Variants in PLCH2 observed in about 807,000 individuals in gnomAD.
PLCH2 encodes the protein phospholipase C eta 2.
A neutral mutation model predicts 134.7 loss-of-function variants in PLCH2; 98 were observed. That is an observed-to-expected ratio of 0.73 (90% CI 0.62 to 0.86). The LOEUF is 0.86. PLCH2 is among the 40% of genes least tolerant of loss of function. The pLI, the probability that PLCH2 is intolerant of heterozygous loss-of-function variation, is 0.00. For missense variants in PLCH2, 1,994 were observed against 1,986.6 expected (o/e 1.00, Z -0.07); for synonymous variants, 974 against 827.5 (o/e 1.18, Z -3.04).
chr1:2,505,367 C>T lies in PLCH2; in HGVS notation c.*154C>T, dbSNP rs1027437539. The T allele has an allele frequency of 2.1e-5, 13 of 618,626 alleles. No homozygotes were observed. Among genetic ancestry groups the T allele is most frequent in the Non-Finnish European group, 3.0e-5 (11 of 363,944 alleles). 38.3% of individuals were successfully genotyped at this position (618,626 alleles called of 1,614,324 possible). On this transcript the variant is annotated 3_prime_UTR_variant, in exon 22 of 22. Transcript: ENST00000378486. ...CCTGCCTCCCTCCTGCCCCTGCTCC[C>T]GGGGAGGAAAGGCTAAAGCTGCTGG...
chr1:2,475,626 G>A (rs1272293294), upstream of PLCH2, among the ~76,000 whole-genome samples: 1 of 152,234 alleles, frequency 6.6e-6, no homozygotes, highest in Admixed American at 6.5e-5. Context: ...CCCCTGTCCA[G>A]GTCAGATGGC....
At chr1:2,432,192 G>A (rs1476139712) in intron 2 of PLCH2, among the ~76,000 whole-genome samples, 1 of 152,238 alleles carries the variant, frequency 6.6e-6, no homozygotes, top group Non-Finnish European at 1.5e-5. Flanking sequence ...ACAATGCTGG[G>A]GCTGGCACCT....
chr1:2,505,068 A>AGGGACCCCCAGAAGAGGAGCGG lies in PLCH2; in HGVS notation c.4109_4130dup (p.Glu1380ArgfsTer37). On this transcript the variant is annotated frameshift_variant, in exon 22 of 22. Coordinates refer to ENST00000378486, the MANE Select transcript of PLCH2 (RefSeq NM_014638.4). LOFTEE classifies it high-confidence loss of function. ...CAGAGACTGCAGGGCCTGGGCCGGC[A>AGGGACCCCCAGAAGAGGAGCGG]GGGACCCCCAGAAGAGGAGCGGGGC... is the stretch of plus-strand genomic sequence containing the variant. 1 of 1,538,098 alleles carries AGGGACCCCCAGAAGAGGAGCGG rather than the reference A, an allele frequency of 6.5e-7. No individual in the cohort carries two copies. The highest frequency in any genetic ancestry group is 8.7e-7 in the Non-Finnish European group (1 of 1,149,436).
chr1:2,465,130 C>T (rs976862627), upstream of PLCH2, among the ~76,000 whole-genome samples: 1 of 152,150 alleles, frequency 6.6e-6, no homozygotes, highest in Non-Finnish European at 1.5e-5. Context: ...TAGCTGAGAA[C>T]CTAGGGCTGT....
chr1:2,487,312 C>T lies in PLCH2; in HGVS notation c.1050C>T (p.Leu350=). The T allele has an allele frequency of 1.2e-6, 2 of 1,613,926 alleles. No individual in the cohort carries two copies. Among genetic ancestry groups the T allele is most frequent in the Middle Eastern group, 1.6e-4 (1 of 6,062 alleles). The change falls in exon 7 of 22, where the codon CTC becomes CTT. Residue 350 remains leucine (L), a synonymous_variant. Transcript: ENST00000378486. ...SHNTYLVGDQ[L]MSQSRVDMYA... ...ACACCTACCTCGTGGGTGACCAGCT[C>T]ATGTCCCAGTCACGGGTGGACATGT...
At chr1:2,471,278 G>A (rs1641312111) in intron 1 of PLCH2, among the ~76,000 whole-genome samples, 1 of 152,220 alleles carries the variant, frequency 6.6e-6, no homozygotes, top group South Asian at 2.1e-4. Context: ...AAGGCCAGAT[G>A]TTGGGGCCCC....
Position 2,503,952 on chromosome 1 carries a change from T to C in PLCH2, c.2990T>C (p.Leu997Pro), listed in dbSNP as rs756414553. ...CGCCCCCTCTCCACGCAGCGGCCAC[T>C]CCCCCCACTGTGCAGCCTGGAAACC... Reference protein sequence around the residue: ...DTRPLSTQRPLPPLCSLETIA... With the variant: ...DTRPLSTQRPPPPLCSLETIA... The change falls in exon 22 of 22, where the codon CTC (leucine) becomes CCC (proline). Residue 997 changes from leucine (L) to proline (P), a missense_variant. Around this residue, in one of 2 missense-constraint regions of PLCH2, gnomAD observed 900 missense variants for 752.3 expected, o/e 1.20. Transcript: ENST00000378486. 11 of 814,694 alleles carry C rather than the reference T, an allele frequency of 1.4e-5. No individual in the cohort carries two copies. The East Asian group carries it at 2.8e-4, about 21-fold the overall frequency. The allele number at this position is 814,694 out of a possible 1,614,324, so 50.5% of individuals were successfully genotyped here.
chr1:2,479,204 A>G (rs1226046522), intron 2 of PLCH2: 1 of 165,526 alleles, frequency 6.0e-6, no homozygotes, highest in Non-Finnish European at 1.3e-5. Flanking sequence ...GGACCCAGGC[A>G]TGCCAGGCAA....
intron 2 of PLCH2, among the ~76,000 whole-genome samples, chr1:2,433,637 C>T (rs535168177): frequency 5.9e-5 from 9 of 152,338 alleles, no homozygotes; most frequent in South Asian, 4.1e-4. Flanking sequence ...GACTCTACAC[C>T]GGCTCTTATG....
At chr1:2,438,639 G>A (rs984065063) in intron 2 of PLCH2, among the ~76,000 whole-genome samples, 7 of 152,148 alleles carry the variant, frequency 4.6e-5, no homozygotes, top group Non-Finnish European at 8.8e-5. Flanking sequence ...GAGCACCCCC[G>A]GCCACTGCGG....
intron 16 of PLCH2, chr1:2,497,823 G>A (rs1642980553): frequency 1.9e-6 from 1 of 517,260 alleles, no homozygotes; most frequent in Admixed American, 3.2e-5. Flanking sequence ...GAAGGGCCCA[G>A]CTCCGTCAGG....
chr1:2,452,036 T>C (rs1640259108), intron 2 of PLCH2, among the ~76,000 whole-genome samples: 1 of 152,174 alleles, frequency 6.6e-6, no homozygotes, highest in African/African-American at 2.4e-5. Context: ...GAGACTTCCG[T>C]CTGGGCCCCG....
At position 2,484,573 on chromosome 1, in the gene PLCH2, C is replaced by T; in HGVS notation, c.771C>T (p.His257=). The change falls in exon 5 of 22, where the codon CAC becomes CAT. Residue 257 remains histidine (H), a synonymous_variant. Coordinates refer to ENST00000378486, the MANE Select transcript of PLCH2 (RefSeq NM_014638.4). ...LMLTYSNHKD[H]LDAASLQRFL... is the part of the protein sequence containing the mutation. Reference sequence around the variant, plus strand: ...TGACCTACAGCAACCACAAGGACCACCTGGATGCCGCCAGCCTGCAGCGCT... The same window carrying T: ...TGACCTACAGCAACCACAAGGACCATCTGGATGCCGCCAGCCTGCAGCGCT... 6.2e-7 allele frequency: 1 copy of T among 1,613,016 alleles called. No individual in the cohort carries two copies. The highest frequency in any genetic ancestry group is 8.5e-7 in the Non-Finnish European group (1 of 1,179,812).
intron 13 of PLCH2, among the ~76,000 whole-genome samples, chr1:2,496,231 G>T (rs1272921676): frequency 1.3e-5 from 2 of 152,142 alleles, no homozygotes; most frequent in African/African-American, 4.8e-5. Flanking sequence ...CCACCCGGCC[G>T]ACACGGAGGC....
intron 2 of PLCH2, among the ~76,000 whole-genome samples, chr1:2,440,157 C>G (rs1389308770): frequency 6.6e-6 from 1 of 152,122 alleles, no homozygotes; most frequent in Admixed American, 6.5e-5. Flanking sequence ...GCCTGTGGTC[C>G]AGCTGCAGGG....
chr1:2,496,546 G>A (rs906964000), intron 13 of PLCH2, 61 bp from the exon 14 acceptor site: 26 of 1,391,402 alleles, frequency 1.9e-5, no homozygotes, highest in South Asian at 1.6e-4. Context: ...CCCGTCTCAC[G>A]GAGCTGGGTG....
intron 2 of PLCH2, among the ~76,000 whole-genome samples, chr1:2,435,194 G>A (rs1291607051): frequency 6.6e-6 from 1 of 152,194 alleles, no homozygotes. Context: ...GTGGAAGATG[G>A]TCCCGGGGGT....
At chr1:2,441,499 A>G (rs1288272598) in intron 2 of PLCH2, among the ~76,000 whole-genome samples, 1 of 152,096 alleles carries the variant, frequency 6.6e-6, no homozygotes, top group Non-Finnish European at 1.5e-5. Context: ...GTTTCTGAGC[A>G]TCGACTGGCA....
chr1:2,420,481 G>A, the PLCH2 span, among the ~76,000 whole-genome samples: 1 of 152,178 alleles, frequency 6.6e-6, no homozygotes, highest in Non-Finnish European at 1.5e-5. Context: ...TTATGTCCCG[G>A]TAGGTAGGGG....
Sources: gnomAD v4.1 joint callset for allele counts (sites outside exome capture counted in the v4.1 genomes callset) on GRCh38, gnomAD v4.1.1 for gene constraint, gnomAD v4.1.1 regional missense constraint, MANE v1.5 for transcripts, NCBI Gene and HGNC (gene_info 2026-07-23, HGNC 2026-07-21) for gene names.